The following COL4A5 variants were observed in gnomAD, a reference collection of about 807,000 sequenced individuals.
COL4A5 encodes the protein collagen type IV alpha 5 chain.
COL4A5 carries 26 observed loss-of-function variants against 130.2 expected under a neutral mutation model. The ratio of observed to expected loss-of-function variants is 0.20; its 90% CI spans 0.15 to 0.28. The LOEUF (loss-of-function observed/expected upper bound fraction) is 0.28. Ranked by LOEUF, COL4A5 falls within the 10% of genes least tolerant of loss-of-function variation. The pLI, the probability that COL4A5 is intolerant of heterozygous loss-of-function variation, is 1.00. For synonymous variants in COL4A5, 496 were observed against 439.6 expected (o/e 1.13, Z -1.60); for missense variants, 1,131 against 1,344.3 (o/e 0.84, Z 2.48).
intron 3 of COL4A5, among the ~76,000 whole-genome samples, chrX:108,563,515 A>G (rs1462990455): frequency 2.7e-5 from 3 of 112,073 alleles, no homozygotes; most frequent in African/African-American, 3.2e-5. Flanking sequence ...GCAGATTAAC[A>G]TAATATGGGA....
intron 36 of COL4A5, among the ~76,000 whole-genome samples, chrX:108,637,568 A>G (rs1402943667): frequency 8.9e-6 from 1 of 111,889 alleles, no homozygotes; most frequent in African/African-American, 3.2e-5. Context: ...TACAAGAAAA[A>G]GAGAGAAGAC....
intron 26 of COL4A5, 136 bp downstream of exon 26, chrX:108,601,621 C>T (rs1252445287): frequency 4.0e-6 from 2 of 504,289 alleles, no homozygotes; most frequent in Non-Finnish European, 6.8e-6. Flanking sequence ...CCTCCTACTT[C>T]TGGGTTCAAG....
chrX:108,463,465 G>A (rs1448429795), intron 1 of COL4A5, among the ~76,000 whole-genome samples: 1 of 111,714 alleles, frequency 9.0e-6, no homozygotes, highest in African/African-American at 3.3e-5. Context: ...TTTGACAGTT[G>A]ACTCCATAGC....
At chrX:108,463,852 T>C (rs2064677206) in intron 1 of COL4A5, among the ~76,000 whole-genome samples, 1 of 111,998 alleles carries the variant, frequency 8.9e-6, no homozygotes, top group Admixed American at 9.5e-5. Flanking sequence ...GGATGAGCAA[T>C]TGGAAAGATG....
chrX:108,552,684 A>G (rs1487426349), intron 2 of COL4A5, among the ~76,000 whole-genome samples: 1 of 111,940 alleles, frequency 8.9e-6, no homozygotes, highest in Non-Finnish European at 1.9e-5. Context: ...GAATTGGAAG[A>G]CTCAATATTG....
At chrX:108,473,633 A>ATGTTTTTT in intron 1 of COL4A5, among the ~76,000 whole-genome samples, 1 of 34,562 alleles carries the variant, frequency 2.9e-5, no homozygotes, top group East Asian at 4.9e-4. Flanking sequence ...ATATATATAT[A>ATGTTTTTT]TTTTTTTTTT....
intron 24 of COL4A5, among the ~76,000 whole-genome samples, chrX:108,598,396 A>G (rs1162068006): frequency 9.0e-6 from 1 of 111,692 alleles, no homozygotes; most frequent in Non-Finnish European, 1.9e-5. Flanking sequence ...GATATTTTAT[A>G]ATGTTATCTA....
chrX:108,562,514 T>C (rs2065911993), intron 3 of COL4A5, among the ~76,000 whole-genome samples: 1 of 112,107 alleles, frequency 8.9e-6, no homozygotes, highest in African/African-American at 3.2e-5. Context: ...TTTATAAAGG[T>C]GTGCTTGTAT....
chrX:108,571,502 G>T lies in COL4A5; in HGVS notation c.438+36G>T, dbSNP rs73526282. The T allele has an allele frequency of 0.023, 23,874 of 1,047,648 alleles. 2,132 individuals are homozygous for T. The African/African-American group carries it at 0.31, about 14-fold the overall frequency. 86.3% of individuals were successfully genotyped at this position (1,047,648 alleles called of 1,213,427 possible). On this transcript the variant is annotated intron_variant, in intron 7 of 52. Coordinates refer to ENST00000328300, the MANE Select transcript of COL4A5 (RefSeq NM_033380.3). Reference sequence around the variant, plus strand: ...AAATTTGGGATTATGATGAACACAGGAATTAACAAAAGAAGCAGAAATGTA... The same window carrying T: ...AAATTTGGGATTATGATGAACACAGTAATTAACAAAAGAAGCAGAAATGTA...
In COL4A5 at chrX:108,475,804, G is replaced by C. The variant is rs1262876111; in HGVS notation, c.81+35598G>C. Among the ~76,000 whole-genome samples the C allele has an allele frequency of 3.6e-5, 4 of 111,559 alleles. 1 individual carries two copies. The Admixed American group carries it at 3.8e-4, about 11-fold the overall frequency. ...CGTATATGAAACTACTTATAGTCTTGATCCAACCTTAGGATATTCATAAGT... is the reference window on the plus strand; with the variant it reads ...CGTATATGAAACTACTTATAGTCTTCATCCAACCTTAGGATATTCATAAGT... On this transcript the variant is annotated intron_variant, in intron 1 of 52. Coordinates refer to ENST00000328300, the MANE Select transcript of COL4A5 (RefSeq NM_033380.3).
In COL4A5 at chrX:108,683,364, T is replaced by A. The variant is rs2068476281; in HGVS notation, c.4216+1476T>A. On this transcript the variant is annotated intron_variant, in intron 47 of 52. Transcript: ENST00000328300. ...TTATTCTTTTTGCTTATGATTGTCT[T>A]GTTTATATGGGCTCTTTTTTTAATT... 2.7e-5 allele frequency among the ~76,000 whole-genome samples: 3 copies of A among 111,984 alleles called. No homozygotes were observed. In the South Asian group the frequency reaches 1.1e-3, roughly 41 times the overall value.
chrX:108,667,037 T>A, intron 39 of COL4A5, 96 bp from the exon 40 acceptor site: 1 of 753,487 alleles, frequency 1.3e-6, no homozygotes, highest in Non-Finnish European at 2.1e-6. Flanking sequence ...TTGCTGCACC[T>A]AATGAAAACC....
At chrX:108,542,567 T>C (rs1478484686) in intron 2 of COL4A5, among the ~76,000 whole-genome samples, 1 of 110,699 alleles carries the variant, frequency 9.0e-6, no homozygotes, top group Non-Finnish European at 1.9e-5. Context: ...GCAATAAATA[T>C]ACATGTGCAT....
Position 108,580,562 on chromosome X carries a change from A to T in COL4A5, c.810A>T (p.Gly270=). The T allele has an allele frequency of 8.3e-7, 1 of 1,209,195 alleles. No homozygotes were observed. Among genetic ancestry groups the T allele is most frequent in the Non-Finnish European group, 1.1e-6 (1 of 893,966 alleles). ...TTCCTGGTGACCGAGGGCCTCCTGG[A>T]CCTCCAGGGATACGTGGTCCTCCAG... ...QGLPGDRGPP[G]PPGIRGPPGP... The change falls in exon 14 of 53, where the codon GGA becomes GGT. Residue 270 remains glycine, a synonymous_variant. Coordinates refer to ENST00000328300, the MANE Select transcript of COL4A5 (RefSeq NM_033380.3).
rs367890539 is a variant in COL4A5 at position 108,575,931 on chromosome X, A to G, written c.568A>G (p.Ile190Val). Residue 190 changes from isoleucine (I) to valine (V), a missense_variant, in exon 10 of 53, where the codon ATA (isoleucine) becomes GTA (valine). Ile to Val is a conservative substitution (Grantham distance 29). Coordinates refer to ENST00000328300, the MANE Select transcript of COL4A5 (RefSeq NM_033380.3). ...ACAGGGCCTACCTGGTCCCACTGGT[A>G]TACCAGGGCCAATTGGTCCCCCAGG... is the stretch of plus-strand genomic sequence containing the variant. The part of the protein sequence containing the change: ...GIQGLPGPTG[I>V]PGPIGPPGPP... 1.3e-4 allele frequency: 153 copies of G among 1,191,291 alleles called. No homozygotes were observed. Among genetic ancestry groups the G allele is most frequent in the Non-Finnish European group, 1.6e-4 (141 of 880,584 alleles).
At chrX:108,494,448 C>CT (rs1340810753) in intron 1 of COL4A5, among the ~76,000 whole-genome samples, 17 of 111,864 alleles carry the variant, frequency 1.5e-4, no homozygotes, top group African/African-American at 5.5e-4. Context: ...TATTTTTTTA[C>CT]TTTGAGTTCC....
In COL4A5 at chrX:108,591,540, T is replaced by C. The variant is rs1353164374; in HGVS notation, c.1340-21T>C. The C allele has an allele frequency of 2.6e-6, 3 of 1,143,962 alleles. No homozygotes were observed. In the African/African-American group the frequency reaches 5.4e-5, roughly 20 times the overall value. The allele number at this position is 1,143,962 out of a possible 1,213,427, so 94.3% of individuals were successfully genotyped here. A position where few individuals can be genotyped will look rare whatever the true frequency, so the allele number is the denominator to read the frequency against. On this transcript the variant is annotated intron_variant, in intron 20 of 52. Transcript: ENST00000328300. The stretch of plus-strand genomic sequence containing the variant: ...TGGATATTTCACAATTAGCTTGCTA[T>C]CCTTTCTTTATCTTACTCAGGTGAT...
intron 36 of COL4A5, among the ~76,000 whole-genome samples, chrX:108,655,047 A>G (rs770305619): frequency 3.6e-5 from 4 of 111,815 alleles, no homozygotes; most frequent in Non-Finnish European, 7.5e-5. Flanking sequence ...TGGGCTATGT[A>G]GTCTGATTGG....
chrX:108,692,395 A>G (rs1238836063), intron 49 of COL4A5, among the ~76,000 whole-genome samples: 1 of 111,325 alleles, frequency 9.0e-6, no homozygotes, highest in Non-Finnish European at 1.9e-5. Context: ...CTGGAGCACG[A>G]AATATTGATA....
Sources: allele counts gnomAD v4.1 joint callset (sites outside exome capture counted in the v4.1 genomes callset), GRCh38; gene constraint gnomAD v4.1.1; transcripts MANE v1.5; gene names NCBI Gene and HGNC (gene_info 2026-07-23, HGNC 2026-07-21).